UBAP2: variants seen among roughly 807,000 people sequenced by gnomAD.
UBAP2 encodes ubiquitin-associated protein 2.
Under a neutral mutation model 139.6 loss-of-function variants are expected in UBAP2, and 75 were observed. The ratio of observed to expected loss-of-function variants is 0.54; its 90% CI spans 0.45 to 0.65. The LOEUF is 0.65. UBAP2 is among the 30% of genes least tolerant of loss of function. The pLI, the probability that UBAP2 is intolerant of heterozygous loss-of-function variation, is 0.00. For synonymous variants in UBAP2, 526 were observed against 526.2 expected (o/e 1.00, Z 0.01); for missense variants, 1,368 against 1,369.6 (o/e 1.00, Z 0.02).
chr9:34,015,351 C>A (rs972143260), intron 2 of UBAP2, among the ~76,000 whole-genome samples: 1 of 152,116 alleles, frequency 6.6e-6, no homozygotes, highest in African/African-American at 2.4e-5. Flanking sequence ...CAGAGTCTCG[C>A]TCTGTTGCCC....
At chr9:33,940,012 GA>G (rs1298538064) in intron 16 of UBAP2, among the ~76,000 whole-genome samples, 1 of 145,022 alleles carries the variant, frequency 6.9e-6, no homozygotes, top group Non-Finnish European at 1.5e-5. Flanking sequence ...GGGGAAAGAG[GA>G]GGGGGAGGGA....
chr9:34,016,233 G>A (rs1056694005), intron 2 of UBAP2, among the ~76,000 whole-genome samples: 5 of 65,410 alleles, frequency 7.6e-5, no homozygotes, highest in Non-Finnish European at 1.6e-4. Flanking sequence ...AGGAGGAAGA[G>A]GAAGGGGAGG....
intron 1 of UBAP2, among the ~76,000 whole-genome samples, chr9:34,039,546 C>G (rs1826847356): frequency 6.6e-6 from 1 of 152,090 alleles, no homozygotes; most frequent in Non-Finnish European, 1.5e-5. Flanking sequence ...TAATCTATAA[C>G]CTTACCCCCA....
At chr9:34,027,701 C>CA (rs35867598) in intron 1 of UBAP2, among the ~76,000 whole-genome samples, 122,815 of 148,198 alleles carry the variant, frequency 0.83, 50,926 homozygotes, top group Middle Eastern at 0.9. Flanking sequence ...ACTAAAAATA[C>CA]AAAAAAAAAA....
chr9:34,023,653 C>T (rs1279540516), intron 1 of UBAP2, among the ~76,000 whole-genome samples: 3 of 152,164 alleles, frequency 2.0e-5, no homozygotes, highest in African/African-American at 7.2e-5. Flanking sequence ...AACTACATGG[C>T]TTACTTTATT....
intron 3 of UBAP2, chr9:33,997,588 C>T (rs1174658281): frequency 6.6e-6 from 1 of 152,136 alleles, no homozygotes; most frequent in Non-Finnish European, 1.5e-5. Context: ...CTTTGGATAG[C>T]TACTAATAAA....
intron 16 of UBAP2, 51 bp from the exon 17 acceptor site, chr9:33,935,929 A>T (rs1258884266): frequency 6.4e-7 from 1 of 1,559,606 alleles, no homozygotes; most frequent in Non-Finnish European, 8.7e-7. Context: ...TGAAATCATT[A>T]CCTGAGTGGC....
chr9:34,044,082 C>T (rs1193707889), intron 1 of UBAP2, among the ~76,000 whole-genome samples: 2 of 103,898 alleles, frequency 1.9e-5, no homozygotes, highest in African/African-American at 7.8e-5. Flanking sequence ...CAGAATGAAA[C>T]TCCACCTCAA....
chr9:33,935,659 G>A lies in UBAP2; in HGVS notation c.1969+180C>T, dbSNP rs1824434875. 22 of 687,724 alleles carry A rather than the reference G, an allele frequency of 3.2e-5. No individual in the cohort carries two copies. The South Asian group carries it at 3.6e-4, about 11-fold the overall frequency. The allele number at this position is 687,724 out of a possible 1,614,324, so 42.6% of individuals were successfully genotyped here. A position where few individuals can be genotyped will look rare whatever the true frequency, so the allele number is the denominator to read the frequency against. ...GAGACCACCACCTCCTTCTTGCTGTGGTTAAGACATTTCTAATAACACCAC... is the reference window on the plus strand; with the variant it reads ...GAGACCACCACCTCCTTCTTGCTGTAGTTAAGACATTTCTAATAACACCAC... On this transcript the variant is annotated intron_variant, in intron 17 of 28. Coordinates refer to ENST00000379238, the MANE Select transcript of UBAP2 (RefSeq NM_001370062.2).
intron 6 of UBAP2, among the ~76,000 whole-genome samples, chr9:33,982,748 G>C (rs541220066): frequency 6.1e-4 from 93 of 152,068 alleles, no homozygotes; most frequent in African/African-American, 2.1e-3. Context: ...TATTTATTTG[G>C]GGTTTATTAG....
intron 2 of UBAP2, among the ~76,000 whole-genome samples, chr9:34,005,249 T>C (rs1823090957): frequency 7.7e-6 from 1 of 130,294 alleles, no homozygotes; most frequent in African/African-American, 2.9e-5. Context: ...GGCAGCAGAG[T>C]GAAACTGTGT....
chr9:33,939,015 T>C (rs552372259), intron 16 of UBAP2: 5 of 392,738 alleles, frequency 1.3e-5, no homozygotes, highest in Non-Finnish European at 2.0e-5. Flanking sequence ...CAAATATTTT[T>C]CTAAATGTTT....
chr9:33,940,917 T>G (rs181465021), intron 16 of UBAP2, among the ~76,000 whole-genome samples: 9 of 152,336 alleles, frequency 5.9e-5, no homozygotes, highest in Admixed American at 1.3e-4. Context: ...ACCAAAAAAT[T>G]AGCGCAACTT....
chr9:33,923,587 G>A (rs1370027351), intron 24 of UBAP2, 109 bp from the exon 25 acceptor site: 4 of 1,176,938 alleles, frequency 3.4e-6, no homozygotes, highest in Non-Finnish European at 5.1e-6. Flanking sequence ...CAACCACAGG[G>A]GACCTGTGTT....
chr9:34,040,507 C>T (rs1028046028), intron 1 of UBAP2, among the ~76,000 whole-genome samples: 2 of 152,002 alleles, frequency 1.3e-5, no homozygotes, highest in African/African-American at 2.4e-5. Context: ...GCACTTTGTG[C>T]GGGTGAGGTG....
chr9:34,026,122 A>T (rs1192990667), intron 1 of UBAP2, among the ~76,000 whole-genome samples: 1 of 152,240 alleles, frequency 6.6e-6, no homozygotes, highest in Non-Finnish European at 1.5e-5. Context: ...GACACATTTT[A>T]TCATTCTGAA....
intron 24 of UBAP2, 90 bp downstream of exon 24, chr9:33,923,705 C>G: frequency 7.2e-7 from 1 of 1,381,456 alleles, no homozygotes; most frequent in Non-Finnish European, 1.0e-6. Context: ...GAATCACAAC[C>G]CTCCCTCCCT....
intron 16 of UBAP2, among the ~76,000 whole-genome samples, chr9:33,937,546 G>A (rs1824663840): frequency 6.9e-6 from 1 of 145,630 alleles, no homozygotes; most frequent in South Asian, 2.2e-4. Flanking sequence ...GGAAGAGGTA[G>A]CAGTGAGCCA....
At chr9:34,008,569 C>T (rs1587652016) in intron 2 of UBAP2, among the ~76,000 whole-genome samples, 1 of 151,634 alleles carries the variant, frequency 6.6e-6, no homozygotes, top group African/African-American at 2.4e-5. Context: ...CATGAGACCC[C>T]GTCTCAAAAA....
Sources: allele counts gnomAD v4.1 joint callset (sites outside exome capture counted in the v4.1 genomes callset), GRCh38; gene constraint gnomAD v4.1.1; transcripts MANE v1.5; gene names NCBI Gene and HGNC (gene_info 2026-07-23, HGNC 2026-07-21).